Variants in PTPRT observed in about 807,000 individuals in gnomAD.
PTPRT encodes protein tyrosine phosphatase receptor type T, also known as receptor-type tyrosine-protein phosphatase T.
A neutral mutation model predicts 176.8 loss-of-function variants in PTPRT; 56 were observed. The observed-to-expected ratio is 0.32, with a 90% confidence interval of 0.26 to 0.40. The LOEUF (loss-of-function observed/expected upper bound fraction) is 0.40. Among genes scored for constraint, PTPRT ranks in the 10% least tolerant of loss-of-function variants. PTPRT has a pLI of 1.00. For missense variants in PTPRT, 1,540 were observed against 1,908.2 expected, an observed-to-expected ratio of 0.81 and a Z score of 3.60; for synonymous variants, 783 against 739.0, an observed-to-expected ratio of 1.06 and a Z score of -0.96.
chr20:43,065,931 C>G (rs1023487996), intron 1 of PTPRT, among the ~76,000 whole-genome samples: 3 of 152,196 alleles, frequency 2.0e-5, no homozygotes, highest in African/African-American at 7.2e-5. Context: ...ATCTAGCAAG[C>G]AAGAGAACCA....
intron 25 of PTPRT, 134 bp downstream of exon 25, chr20:42,104,435 C>T: frequency 9.6e-7 from 1 of 1,036,918 alleles, no homozygotes. Context: ...TTACTGGAAG[C>T]TTGATGCTGG....
chr20:42,049,219 A>G, the PTPRT span, among the ~76,000 whole-genome samples: 4 of 152,238 alleles, frequency 2.6e-5, no homozygotes, highest in East Asian at 7.7e-4. Flanking sequence ...ATGTGAGACA[A>G]TGACGTCCAC....
intron 1 of PTPRT, among the ~76,000 whole-genome samples, chr20:43,007,837 A>G (rs1984930132): frequency 6.6e-6 from 1 of 152,236 alleles, no homozygotes; most frequent in Non-Finnish European, 1.5e-5. Flanking sequence ...CATTATCTGC[A>G]CTTACCAGCT....
chr20:42,795,613 G>A (rs544815230), intron 2 of PTPRT, among the ~76,000 whole-genome samples: 3 of 152,342 alleles, frequency 2.0e-5, no homozygotes, highest in African/African-American at 2.4e-5. Context: ...AGGTGGCCCC[G>A]CCAGCTCCCA....
At chr20:42,850,384 C>T (rs186418712) in intron 2 of PTPRT, among the ~76,000 whole-genome samples, 17 of 152,272 alleles carry the variant, frequency 1.1e-4, no homozygotes, top group Middle Eastern at 3.4e-3. Flanking sequence ...GTCATTTTAA[C>T]GTCCGAACCG....
At chr20:42,282,705 T>A (rs1441228895) in intron 12 of PTPRT, among the ~76,000 whole-genome samples, 180 bp from the exon 13 acceptor site, 12 of 152,316 alleles carry the variant, frequency 7.9e-5, no homozygotes, top group Admixed American at 7.8e-4. Context: ...TTCCATTTTT[T>A]AATTTTTTTC....
At chr20:42,525,983 T>G (rs2072260743) in intron 7 of PTPRT, among the ~76,000 whole-genome samples, 1 of 152,168 alleles carries the variant, frequency 6.6e-6, no homozygotes. Flanking sequence ...TATTCTACTG[T>G]CATTTAGCAT....
At chr20:42,717,736 G>C (rs2076246654) in intron 6 of PTPRT, among the ~76,000 whole-genome samples, 1 of 151,888 alleles carries the variant, frequency 6.6e-6, no homozygotes, top group Non-Finnish European at 1.5e-5. Flanking sequence ...GAAAGAAAAA[G>C]GATATTTATG....
intron 6 of PTPRT, among the ~76,000 whole-genome samples, chr20:42,745,139 T>C (rs1006583464): frequency 6.6e-6 from 1 of 152,116 alleles, no homozygotes; most frequent in African/African-American, 2.4e-5. Context: ...CTAGTCAGAG[T>C]AAACCAGAAG....
chr20:42,222,358 C>T (rs1045934537), intron 15 of PTPRT, among the ~76,000 whole-genome samples: 1 of 152,206 alleles, frequency 6.6e-6, no homozygotes, highest in African/African-American at 2.4e-5. Context: ...GATTTGTCCA[C>T]TCTGCCTGGT....
intron 9 of PTPRT, among the ~76,000 whole-genome samples, chr20:42,409,884 C>A (rs1397284742): frequency 2.6e-5 from 4 of 152,142 alleles, no homozygotes; most frequent in Admixed American, 2.6e-4. Flanking sequence ...AGAAATGGAG[C>A]AGACTGCAGT....
chr20:42,390,353 A>C (rs1328083292), intron 9 of PTPRT, among the ~76,000 whole-genome samples: 1 of 152,214 alleles, frequency 6.6e-6, no homozygotes, highest in Non-Finnish European at 1.5e-5. Context: ...TGATTAAGGA[A>C]AGTATAAACC....
chr20:42,457,891 G>T lies in PTPRT; in HGVS notation c.1451-9562C>A, dbSNP rs113375383. 4.8e-3 allele frequency among the ~76,000 whole-genome samples: 727 copies of T among 152,228 alleles called. 5 individuals carry two copies. Among genetic ancestry groups the T allele is most frequent in the African/African-American group, 0.016 (667 of 41,524 alleles). On this transcript the variant is annotated intron_variant, in intron 8 of 30. Transcript: ENST00000373187. ...GCCATATGCCCTGGACGTAGGCTTG[G>T]AGGGGGAGCTCTCGTTCTCTGCATC... is the stretch of plus-strand genomic sequence containing the variant.
chr20:43,055,376 G>A (rs1182649727), intron 1 of PTPRT, among the ~76,000 whole-genome samples: 3 of 152,178 alleles, frequency 2.0e-5, no homozygotes, highest in Non-Finnish European at 4.4e-5. Flanking sequence ...GCAGGAAAAC[G>A]TCGAGGAAAC....
At chr20:42,276,496 AATATAT>A (rs61484693) in intron 13 of PTPRT, among the ~76,000 whole-genome samples, 13 of 44,172 alleles carry the variant, frequency 2.9e-4, no homozygotes, top group Non-Finnish European at 3.8e-4. Context: ...GAAAGAAGGA[AATATAT>A]ATATATATAT....
chr20:42,210,443 A>G (rs1045917136), intron 15 of PTPRT, among the ~76,000 whole-genome samples: 13 of 152,132 alleles, frequency 8.5e-5, no homozygotes, highest in Admixed American at 5.2e-4. Context: ...AAGCAACTTC[A>G]GCAAAGTCTC....
At chr20:43,083,347 T>TATATACAC (rs2011506644) in intron 1 of PTPRT, among the ~76,000 whole-genome samples, 8 of 97,782 alleles carry the variant, frequency 8.2e-5, no homozygotes, top group Admixed American at 1.2e-4. Flanking sequence ...TATATATATA[T>TATATACAC]ATATATATAT....
At chr20:42,342,342 G>A (rs762851558) in intron 11 of PTPRT, among the ~76,000 whole-genome samples, 5 of 152,112 alleles carry the variant, frequency 3.3e-5, no homozygotes, top group Non-Finnish European at 7.3e-5. Context: ...AAGTCCCAGC[G>A]TGATTTTAGG....
At chr20:42,513,193 A>C (rs1169531607) in intron 7 of PTPRT, among the ~76,000 whole-genome samples, 1 of 138,732 alleles carries the variant, frequency 7.2e-6, no homozygotes, top group Non-Finnish European at 1.5e-5. Flanking sequence ...TATGTTCTCT[A>C]TTGATGGGGT....
Sources: allele counts gnomAD v4.1 joint callset (sites outside exome capture counted in the v4.1 genomes callset), GRCh38; gene constraint gnomAD v4.1.1; transcripts MANE v1.5; gene names NCBI Gene and HGNC (gene_info 2026-07-23, HGNC 2026-07-21).